ASIC2: variants seen among roughly 807,000 people sequenced by gnomAD.
ASIC2 encodes the protein acid-sensing ion channel 2.
ASIC2 carries 25 observed loss-of-function variants against 57.3 expected under a neutral mutation model. That is an observed-to-expected ratio of 0.44 (90% CI 0.32 to 0.61). The LOEUF (loss-of-function observed/expected upper bound fraction) is 0.61, where lower values mean the gene tolerates loss of function less well. Among genes scored for constraint, ASIC2 ranks in the 20% least tolerant of loss-of-function variants. The probability of loss-of-function intolerance (pLI) is 0.06; values close to 1 mark genes in which losing one functional copy is unlikely to be tolerated. For synonymous variants in ASIC2, 319 were observed against 307.5 expected, an observed-to-expected ratio of 1.04 and a Z score of -0.39; for missense variants, 641 against 738.1, an observed-to-expected ratio of 0.87 and a Z score of 1.52.
In ASIC2 at chr17:33,481,267, G is replaced by T. The variant is rs533501693; in HGVS notation, c.556-369200C>A. 3.3e-5 allele frequency among the ~76,000 whole-genome samples: 5 copies of T among 152,166 alleles called. No individual in the cohort carries two copies. In the East Asian group the frequency reaches 9.7e-4, roughly 29 times the overall value. Reference sequence around the variant, plus strand: ...CCCTGGCCATCTCTTTTTCTCACGCGTGCTTACTCTTCATAGTGGTTATTT... The same window carrying T: ...CCCTGGCCATCTCTTTTTCTCACGCTTGCTTACTCTTCATAGTGGTTATTT... On this transcript the variant is annotated intron_variant, in intron 1 of 9. Transcript: ENST00000359872.
At chr17:34,065,073 A>G (rs1432477822) in intron 1 of ASIC2, among the ~76,000 whole-genome samples, 1 of 152,222 alleles carries the variant, frequency 6.6e-6, no homozygotes, top group Admixed American at 6.5e-5. Context: ...ACATACTTGC[A>G]TATGCATGTT....
At position 33,777,530 on chromosome 17, in the gene ASIC2, C is replaced by T. The variant is rs538765504; in HGVS notation, c.555+378448G>A. Among the ~76,000 whole-genome samples the T allele has an allele frequency of 3.1e-4, 47 of 150,276 alleles. No individual in the cohort carries two copies. In the South Asian group the frequency reaches 5.0e-3, roughly 16 times the overall value. On this transcript the variant is annotated intron_variant, in intron 1 of 9. Coordinates refer to the ASIC2 transcript ENST00000359872. ...CTCCCAGCCCACCAACCCACCATGACACATCTGTTTGAACAACTGGGCTGC... is the reference window on the plus strand; with the variant it reads ...CTCCCAGCCCACCAACCCACCATGATACATCTGTTTGAACAACTGGGCTGC...
rs925354343 is a variant in ASIC2 at position 34,151,111 on chromosome 17, A to T, written c.555+4867T>A. 6.3e-5 allele frequency among the ~76,000 whole-genome samples: 9 copies of T among 142,372 alleles called. 1 individual carries two copies. The highest frequency in any genetic ancestry group is 2.2e-4 in the African/African-American group (9 of 40,128). The allele number at this position is 142,372 out of a possible 152,430, so 93.4% of individuals were successfully genotyped here. A position where few individuals can be genotyped will look rare whatever the true frequency, so the allele number is the denominator to read the frequency against. On this transcript the variant is annotated intron_variant, in intron 1 of 9. Transcript: ENST00000359872. ...GAGTGAGACTCCATCTCAAGAAAAAAAAAAAAAAAAAAAATAAAGAGGTAG... is the reference window on the plus strand; with the variant it reads ...GAGTGAGACTCCATCTCAAGAAAAATAAAAAAAAAAAAAATAAAGAGGTAG...
chr17:33,441,496 AG>A (rs1210211495), intron 1 of ASIC2, among the ~76,000 whole-genome samples: 1 of 152,282 alleles, frequency 6.6e-6, no homozygotes, highest in East Asian at 1.9e-4. Context: ...CTAAAATGTG[AG>A]GGTGTAAGTT....
At chr17:33,506,679 G>T (rs1441902416) in intron 1 of ASIC2, among the ~76,000 whole-genome samples, 1 of 152,190 alleles carries the variant, frequency 6.6e-6, no homozygotes, top group Non-Finnish European at 1.5e-5. Context: ...CTAAACCAGG[G>T]TATACTGTTT....
intron 1 of ASIC2, among the ~76,000 whole-genome samples, chr17:33,338,628 A>G (rs1907614707): frequency 6.6e-6 from 1 of 152,176 alleles, no homozygotes; most frequent in Non-Finnish European, 1.5e-5. Flanking sequence ...GGACAAAAAA[A>G]TTGTCTTTTG....
At chr17:33,115,373 A>G (rs991256166) in intron 1 of ASIC2, among the ~76,000 whole-genome samples, 2 of 152,174 alleles carry the variant, frequency 1.3e-5, no homozygotes, top group Admixed American at 1.3e-4. Flanking sequence ...GCAGAGGCCT[A>G]AAATCCTTGT....
At chr17:33,877,285 G>A (rs1914572761) in intron 1 of ASIC2, among the ~76,000 whole-genome samples, 1 of 152,296 alleles carries the variant, frequency 6.6e-6, no homozygotes. Context: ...GACAGTGGGT[G>A]CAGCACACCG....
At chr17:33,920,344 G>A (rs915846906) in intron 1 of ASIC2, among the ~76,000 whole-genome samples, 1 of 152,042 alleles carries the variant, frequency 6.6e-6, no homozygotes, top group African/African-American at 2.4e-5. Context: ...AAGAAAATGT[G>A]GTATATATAC....
At chr17:33,600,188 T>A (rs1203278667) in intron 1 of ASIC2, among the ~76,000 whole-genome samples, 1 of 152,228 alleles carries the variant, frequency 6.6e-6, no homozygotes, top group Admixed American at 6.5e-5. Flanking sequence ...ATTATTTGAA[T>A]GTGTCCCCCA....
chr17:33,519,122 T>A (rs1046356017), intron 1 of ASIC2, among the ~76,000 whole-genome samples: 1 of 152,166 alleles, frequency 6.6e-6, no homozygotes, highest in Non-Finnish European at 1.5e-5. Context: ...GCCGGGCCGA[T>A]AACTACTCTT....
intron 1 of ASIC2, among the ~76,000 whole-genome samples, chr17:33,852,526 A>G (rs1397978651): frequency 6.6e-6 from 1 of 152,062 alleles, no homozygotes; most frequent in East Asian, 1.9e-4. Context: ...ATCTTAATCC[A>G]CATGTAAGTC....
intron 1 of ASIC2, among the ~76,000 whole-genome samples, chr17:33,881,749 G>GA (rs35770707): frequency 0.26 from 40,007 of 151,866 alleles, 5,448 homozygotes; most frequent in Middle Eastern, 0.37. Context: ...CACAGAATTG[G>GA]AAAAAACTAC....
At chr17:34,068,594 G>A (rs1909263378) in intron 1 of ASIC2, among the ~76,000 whole-genome samples, 1 of 152,176 alleles carries the variant, frequency 6.6e-6, no homozygotes, top group African/African-American at 2.4e-5. Flanking sequence ...ACAATGGAGT[G>A]GAACCAAATG....
At chr17:33,368,252 C>T (rs1297176194) in intron 1 of ASIC2, among the ~76,000 whole-genome samples, 3 of 152,190 alleles carry the variant, frequency 2.0e-5, no homozygotes, top group African/African-American at 4.8e-5. Context: ...TGGGAGCTGA[C>T]ATGTAAGAAG....
At chr17:33,326,851 C>T (rs1310136922) in intron 1 of ASIC2, among the ~76,000 whole-genome samples, 1 of 152,206 alleles carries the variant, frequency 6.6e-6, no homozygotes, top group Non-Finnish European at 1.5e-5. Context: ...TTCCTTTCTT[C>T]CACACCCACA....
chr17:33,396,620 C>T (rs1231079419), intron 1 of ASIC2, among the ~76,000 whole-genome samples: 2 of 152,096 alleles, frequency 1.3e-5, no homozygotes, highest in African/African-American at 4.8e-5. Context: ...ATAGAAGTGG[C>T]CCCCAAATAA....
At chr17:33,086,809 G>A (rs1405109896) in intron 3 of ASIC2, among the ~76,000 whole-genome samples, 1 of 152,150 alleles carries the variant, frequency 6.6e-6, no homozygotes, top group Non-Finnish European at 1.5e-5. Flanking sequence ...GAGGGTAGGA[G>A]CCTAACTAAC....
At chr17:33,604,635 A>C (rs1905183940) in intron 1 of ASIC2, among the ~76,000 whole-genome samples, 1 of 152,094 alleles carries the variant, frequency 6.6e-6, no homozygotes, top group Admixed American at 6.5e-5. Context: ...CCTCAGAGAA[A>C]GAGGCGAGGG....
Sources: gnomAD v4.1 joint callset for allele counts (sites outside exome capture counted in the v4.1 genomes callset) on GRCh38, gnomAD v4.1.1 for gene constraint, MANE v1.5 for transcripts, NCBI Gene and HGNC (gene_info 2026-07-23, HGNC 2026-07-21) for gene names.